Variants in SNX29 observed in about 807,000 individuals in gnomAD.
The protein encoded by SNX29 is sorting nexin 29, also known as sorting nexin-29.
Under a neutral mutation model 102.1 loss-of-function variants are expected in SNX29, and 78 were observed. The ratio of observed to expected loss-of-function variants is 0.76; its 90% CI spans 0.64 to 0.92. SNX29 has a LOEUF of 0.92. Among genes scored for constraint, SNX29 ranks in the 40% least tolerant of loss-of-function variants. The pLI is 0.00. For missense variants in SNX29, 1,280 were observed against 1,061.7 expected (o/e 1.21, Z -2.86); for synonymous variants, 580 against 414.5 (o/e 1.40, Z -4.85).
chr16:12,156,950 G>A (rs374761330), intron 13 of SNX29, among the ~76,000 whole-genome samples: 16 of 152,266 alleles, frequency 1.1e-4, no homozygotes, highest in African/African-American at 3.4e-4. Flanking sequence ...GGAGGCCCCT[G>A]TTTTAGTCGT....
intron 18 of SNX29, among the ~76,000 whole-genome samples, chr16:12,443,907 A>G (rs1231841685): frequency 6.6e-6 from 1 of 152,252 alleles, no homozygotes; most frequent in Admixed American, 6.5e-5. Context: ...GAGCATTCGA[A>G]ACTTGCATAG....
At chr16:12,295,195 A>G (rs2079938903) in intron 15 of SNX29, among the ~76,000 whole-genome samples, 1 of 152,150 alleles carries the variant, frequency 6.6e-6, no homozygotes, top group Non-Finnish European at 1.5e-5. Flanking sequence ...CACCTAAACC[A>G]TATCCCTTCC....
chr16:12,052,357 C>G, intron 8 of SNX29, 135 bp downstream of exon 8: 11 of 940,842 alleles, frequency 1.2e-5, no homozygotes, highest in Non-Finnish European at 1.7e-5. Context: ...GCTGGGATTA[C>G]AGGCACCTGT....
At chr16:12,189,675 C>T (rs2941084) in intron 13 of SNX29, among the ~76,000 whole-genome samples, 135,521 of 152,116 alleles carry the variant, frequency 0.89, 62,491 homozygotes, top group East Asian at 1. Context: ...GCTCGAAATA[C>T]CCTATTATGC....
intron 14 of SNX29, among the ~76,000 whole-genome samples, chr16:12,200,777 T>C (rs1368314160): frequency 3.3e-5 from 5 of 152,110 alleles, no homozygotes; most frequent in African/African-American, 1.2e-4. Flanking sequence ...GAGCCACCGC[T>C]CCCAGCCCAC....
chr16:12,541,633 G>A (rs557791664), intron 20 of SNX29, among the ~76,000 whole-genome samples: 2 of 152,210 alleles, frequency 1.3e-5, no homozygotes, highest in Non-Finnish European at 1.5e-5. Flanking sequence ...GGGGTCCATC[G>A]CATCTTCGTT....
At chr16:12,197,166 A>G (rs2076796774) in intron 13 of SNX29, among the ~76,000 whole-genome samples, 1 of 152,222 alleles carries the variant, frequency 6.6e-6, no homozygotes. Context: ...AGAAATGTCT[A>G]TAACTGCCTT....
chr16:12,189,182 T>A (rs2076583056), intron 13 of SNX29, among the ~76,000 whole-genome samples: 3 of 152,208 alleles, frequency 2.0e-5, no homozygotes, highest in South Asian at 2.1e-4. Context: ...TTCTCCTTTG[T>A]AATAACAATA....
At chr16:12,314,599 T>C (rs900104431) in intron 15 of SNX29, among the ~76,000 whole-genome samples, 4 of 152,270 alleles carry the variant, frequency 2.6e-5, no homozygotes, top group South Asian at 4.1e-4. Context: ...ATGCAAGATA[T>C]ACCACTTAAG....
chr16:12,027,276 C>T, intron 3 of SNX29, 44 bp from the exon 4 acceptor site: 7 of 1,609,230 alleles, frequency 4.3e-6, no homozygotes, highest in Non-Finnish European at 5.9e-6. Context: ...CTAGTTGCTA[C>T]TCCCTTTTCT....
At chr16:12,395,047 G>A (rs2083669602) in intron 16 of SNX29, among the ~76,000 whole-genome samples, 1 of 152,200 alleles carries the variant, frequency 6.6e-6, no homozygotes, top group Admixed American at 6.5e-5. Context: ...ACAATGGGAG[G>A]AGGTGTAATT....
chr16:12,049,297 T>C (rs1427395789), intron 7 of SNX29, among the ~76,000 whole-genome samples: 2 of 151,282 alleles, frequency 1.3e-5, no homozygotes, highest in African/African-American at 2.4e-5. Context: ...TAGACCAGCC[T>C]GGGCAATGCA....
chr16:12,463,817 A>AGTGTGTGTGTGTGTGT (rs143006476), intron 18 of SNX29, among the ~76,000 whole-genome samples: 9 of 143,270 alleles, frequency 6.3e-5, no homozygotes, highest in African/African-American at 1.0e-4. Flanking sequence ...TCCCGAAGTG[A>AGTGTGTGTGTGTGTGT]GTGTGTGTGT....
chr16:12,105,106 A>G (rs751138494), intron 11 of SNX29, among the ~76,000 whole-genome samples: 16 of 152,214 alleles, frequency 1.1e-4, no homozygotes, highest in Admixed American at 2.0e-4. Context: ...GCATGAGGCA[A>G]CACCGTGAGC....
At chr16:12,408,923 A>C (rs1474404517) in intron 18 of SNX29, among the ~76,000 whole-genome samples, 1 of 152,256 alleles carries the variant, frequency 6.6e-6, no homozygotes, top group Non-Finnish European at 1.5e-5. Flanking sequence ...ATCTGGAATT[A>C]TATTTGGCAC....
rs548476447 is a variant in SNX29, at chr16:12,549,751, A to C, written c.2319-18755A>C. Among the ~76,000 whole-genome samples, 10 of 152,350 alleles carry C rather than the reference A, an allele frequency of 6.6e-5. No homozygotes were observed. The South Asian group carries it at 2.1e-3, about 32-fold the overall frequency. On this transcript the variant is annotated intron_variant, in intron 20 of 20. Transcript: ENST00000566228. ...AAAGTGTGTTCCAGCATTTACTTTGAGACCTGTTGGTGATTAGCAGGTGAT... is the reference window on the plus strand; with the variant it reads ...AAAGTGTGTTCCAGCATTTACTTTGCGACCTGTTGGTGATTAGCAGGTGAT...
At chr16:12,136,947 C>T (rs942046756) in intron 13 of SNX29, among the ~76,000 whole-genome samples, 2 of 152,130 alleles carry the variant, frequency 1.3e-5, no homozygotes, top group Admixed American at 1.3e-4. Flanking sequence ...ACCATGTTGG[C>T]CAGGCTGCTA....
chr16:12,046,170 G>A (rs1254956172), intron 5 of SNX29, among the ~76,000 whole-genome samples: 1 of 152,108 alleles, frequency 6.6e-6, no homozygotes, highest in African/African-American at 2.4e-5. Flanking sequence ...GCTGAGGGTC[G>A]GCAGGGGGAC....
intron 15 of SNX29, among the ~76,000 whole-genome samples, chr16:12,292,159 G>A (rs2151066341): frequency 6.6e-6 from 1 of 152,206 alleles, no homozygotes; most frequent in South Asian, 2.1e-4. Context: ...GAGACAGGGT[G>A]GGGAAGGGCA....
Sources: gnomAD v4.1 joint callset for allele counts (sites outside exome capture counted in the v4.1 genomes callset) on GRCh38, gnomAD v4.1.1 for gene constraint, MANE v1.5 for transcripts, NCBI Gene and HGNC (gene_info 2026-07-23, HGNC 2026-07-21) for gene names.